TSPAN18: variants seen among roughly 807,000 people sequenced by gnomAD.
TSPAN18 encodes the protein tetraspanin-18.
In TSPAN18, 14 loss-of-function variants were observed where a neutral mutation model predicts 27.3. That is an observed-to-expected ratio of 0.51 (90% CI 0.34 to 0.80). TSPAN18 has a LOEUF of 0.80. Ranked by LOEUF, TSPAN18 falls within the 30% of genes least tolerant of loss-of-function variation. The probability of loss-of-function intolerance (pLI) is 0.01; values close to 1 mark genes in which losing one functional copy is unlikely to be tolerated. For synonymous variants in TSPAN18, 143 were observed against 136.5 expected, an observed-to-expected ratio of 1.05 and a Z score of -0.33; for missense variants, 268 against 323.9, an observed-to-expected ratio of 0.83 and a Z score of 1.32.
rs758334843 is a variant in TSPAN18 at position 44,926,777 on chromosome 11, T to C, written c.699+20T>C. 5.6e-6 allele frequency: 9 copies of C among 1,612,572 alleles called. No individual in the cohort carries two copies. The Admixed American group carries it at 1.5e-4, about 27-fold the overall frequency. ...ATCGAGGTAAGTAAAGGCCCCCACT[T>C]CTGCCGCTCCCCAGGATGAAGCCTC... On this transcript the variant is annotated intron_variant, in intron 9 of 9. Transcript: ENST00000520358.
rs1045067991 is a variant in TSPAN18 at position 44,742,114 on chromosome 11, G to A, written c.-240+14827G>A. On this transcript the variant is annotated intron_variant, in intron 1 of 9. Transcript: ENST00000520358. ...GGTAGATCACCCAGCAGGTGGAGGGGGTATGAGAAAGTGGAAATATTTGTC... is the reference window on the plus strand; with the variant it reads ...GGTAGATCACCCAGCAGGTGGAGGGAGTATGAGAAAGTGGAAATATTTGTC... Among the ~76,000 whole-genome samples the A allele has an allele frequency of 5.9e-5, 9 of 152,242 alleles. No homozygotes were observed. The South Asian group carries it at 1.9e-3, about 32-fold the overall frequency.
intron 2 of TSPAN18, among the ~76,000 whole-genome samples, chr11:44,852,016 C>T (rs1367440382): frequency 6.6e-6 from 1 of 152,204 alleles, no homozygotes; most frequent in Admixed American, 6.5e-5. Context: ...CAATGCCTGA[C>T]ATAGTGAGTT....
At chr11:44,778,060 G>C (rs572200167) in intron 2 of TSPAN18, among the ~76,000 whole-genome samples, 2 of 152,130 alleles carry the variant, frequency 1.3e-5, no homozygotes, top group Non-Finnish European at 2.9e-5. Flanking sequence ...TGCTCCAGGT[G>C]GGGGGTGGGG....
At chr11:44,927,529 C>T (rs12295912) in intron 9 of TSPAN18, among the ~76,000 whole-genome samples, 2,874 of 152,320 alleles carry the variant, frequency 0.019, 85 homozygotes, top group African/African-American at 0.065. Flanking sequence ...TGCCTGGTTT[C>T]CCACTGTGCC....
intron 2 of TSPAN18, among the ~76,000 whole-genome samples, chr11:44,843,346 T>A (rs2135170652): frequency 6.6e-6 from 1 of 151,596 alleles, no homozygotes; most frequent in African/African-American, 2.4e-5. Context: ...TATTAGGGAG[T>A]TTCAAAAGGG....
At chr11:44,921,634 G>C (rs911009058) in intron 8 of TSPAN18, among the ~76,000 whole-genome samples, 1 of 152,176 alleles carries the variant, frequency 6.6e-6, no homozygotes, top group Non-Finnish European at 1.5e-5. Flanking sequence ...AGCATCCAGA[G>C]AGAAGGAGCC....
rs11600916 is a variant in TSPAN18, at chr11:44,854,109, G to A, written c.-152-6219G>A. Among the ~76,000 whole-genome samples, 484 of 149,216 alleles carry A rather than the reference G, an allele frequency of 3.2e-3. 1 individual carries two copies. The highest frequency in any genetic ancestry group is 5.3e-3 in the Admixed American group (78 of 14,634). On this transcript the variant is annotated intron_variant, in intron 2 of 9. Coordinates refer to ENST00000520358, the MANE Select transcript of TSPAN18 (RefSeq NM_130783.5). ...GTAATTAAACATCTGCTTGATAATC[G>A]TGTGCAGCCTGAGGCTGAACATTTA...
chr11:44,854,629 G>C (rs1052314455), intron 2 of TSPAN18, among the ~76,000 whole-genome samples: 1 of 152,114 alleles, frequency 6.6e-6, no homozygotes, highest in Non-Finnish European at 1.5e-5. Flanking sequence ...CTGAGGCCCC[G>C]GTACCAGCAC....
At chr11:44,776,908 G>A (rs1477460682) in intron 2 of TSPAN18, among the ~76,000 whole-genome samples, 1 of 152,192 alleles carries the variant, frequency 6.6e-6, no homozygotes, top group Non-Finnish European at 1.5e-5. Flanking sequence ...TTGGGTTTGG[G>A]ACCCAAGCTC....
chr11:44,819,592 C>T lies in TSPAN18; in HGVS notation c.-152-40736C>T, dbSNP rs554893981. Among the ~76,000 whole-genome samples the T allele has an allele frequency of 4.6e-5, 7 of 152,094 alleles. 1 individual carries two copies. The highest frequency in any genetic ancestry group is 4.2e-4 in the South Asian group (2 of 4,818). On this transcript the variant is annotated intron_variant, in intron 2 of 9. Coordinates refer to ENST00000520358, the MANE Select transcript of TSPAN18 (RefSeq NM_130783.5). ...CAACATGGAACTCCTAATTAATAGA[C>T]GCTCATGCTGCTCTTGGGCACGGCA...
intron 2 of TSPAN18, among the ~76,000 whole-genome samples, chr11:44,833,130 T>C (rs1005106444): frequency 6.6e-6 from 1 of 151,504 alleles, no homozygotes; most frequent in Admixed American, 6.6e-5. Flanking sequence ...GTCTGCCCCT[T>C]ATCATTTATC....
At chr11:44,917,269 G>A (rs1859946858) in intron 5 of TSPAN18, among the ~76,000 whole-genome samples, 1 of 152,242 alleles carries the variant, frequency 6.6e-6, no homozygotes, top group Non-Finnish European at 1.5e-5. Context: ...GAACTGGTGG[G>A]CAAGGAAGGG....
chr11:44,914,016 CA>C (rs1283765985), intron 5 of TSPAN18, among the ~76,000 whole-genome samples: 1 of 152,244 alleles, frequency 6.6e-6, no homozygotes, highest in African/African-American at 2.4e-5. Context: ...CACTTTGGTT[CA>C]CAGGATTCAC....
chr11:44,760,711 A>G (rs992989158), intron 1 of TSPAN18, among the ~76,000 whole-genome samples: 20 of 152,354 alleles, frequency 1.3e-4, no homozygotes, highest in African/African-American at 4.6e-4. Flanking sequence ...CTTTTGAGCC[A>G]GGCCTTGCAA....
chr11:44,788,632 A>C (rs910598454), intron 2 of TSPAN18, among the ~76,000 whole-genome samples: 2 of 151,868 alleles, frequency 1.3e-5, no homozygotes, highest in Non-Finnish European at 2.9e-5. Flanking sequence ...TAATTTTTGT[A>C]GAGATGGGGT....
chr11:44,857,111 C>G (rs1857758369), intron 2 of TSPAN18, among the ~76,000 whole-genome samples: 1 of 152,226 alleles, frequency 6.6e-6, no homozygotes, highest in Non-Finnish European at 1.5e-5. Flanking sequence ...GATGAGGAAA[C>G]TGAGGCCCAG....
At chr11:44,827,825 G>C (rs1238336682) in intron 2 of TSPAN18, among the ~76,000 whole-genome samples, 1 of 152,226 alleles carries the variant, frequency 6.6e-6, no homozygotes, top group Non-Finnish European at 1.5e-5. Flanking sequence ...GATGTTGGCA[G>C]AGAAAGGAGA....
chr11:44,776,105 G>A (rs979591315), intron 2 of TSPAN18, among the ~76,000 whole-genome samples: 2 of 152,244 alleles, frequency 1.3e-5, no homozygotes, highest in Non-Finnish European at 2.9e-5. Flanking sequence ...TCTTCACCGA[G>A]TGGCCCAGTT....
chr11:44,894,653 C>A (rs946634997), intron 3 of TSPAN18, among the ~76,000 whole-genome samples: 3 of 152,254 alleles, frequency 2.0e-5, no homozygotes, highest in African/African-American at 4.8e-5. Flanking sequence ...CCCCGAGGCA[C>A]TGCGTGACCT....
Sources: allele counts gnomAD v4.1 joint callset (sites outside exome capture counted in the v4.1 genomes callset), GRCh38; gene constraint gnomAD v4.1.1; transcripts MANE v1.5; gene names NCBI Gene and HGNC (gene_info 2026-07-23, HGNC 2026-07-21).